DSCAML1: variants seen among roughly 807,000 people sequenced by gnomAD.
The protein encoded by DSCAML1 is cell adhesion molecule DSCAML1.
Under a neutral mutation model 200.5 loss-of-function variants are expected in DSCAML1, and 38 were observed. The observed-to-expected ratio is 0.19, with a 90% CI of 0.15 to 0.25. DSCAML1 has a LOEUF of 0.25. Among genes scored for constraint, DSCAML1 ranks in the 10% least tolerant of loss-of-function variants. The pLI, the probability that DSCAML1 is intolerant of heterozygous loss-of-function variation, is 1.00. For missense variants in DSCAML1, 2,223 were observed against 2,858.8 expected (o/e 0.78, Z 5.07); for synonymous variants, 1,215 against 1,165.0 (o/e 1.04, Z -0.87).
chr11:117,637,224 T>C (rs2052307935), intron 3 of DSCAML1, among the ~76,000 whole-genome samples: 1 of 152,154 alleles, frequency 6.6e-6, no homozygotes, highest in Admixed American at 6.5e-5. Context: ...TCTCAGAGCA[T>C]CCTAATTACC....
At chr11:117,436,534 GT>G (rs2047919863) in intron 26 of DSCAML1, among the ~76,000 whole-genome samples, 2 of 152,110 alleles carry the variant, frequency 1.3e-5, no homozygotes, top group Non-Finnish European at 2.9e-5. Flanking sequence ...GTGTGTATGT[GT>G]GTGTATGTGT....
At position 117,428,837 on chromosome 11, in the gene DSCAML1, G is replaced by C. The variant is rs775201669; in HGVS notation, c.5687-34C>G. On this transcript the variant is annotated intron_variant, in intron 32 of 32. Coordinates refer to ENST00000651296, the MANE Select transcript of DSCAML1 (RefSeq NM_020693.4). ...ACAGAGGCAGAGGATGTTACAGAGA[G>C]TCATAGCCCTCTGGAAGCAGCTCGT... The C allele has an allele frequency of 2.6e-6, 4 of 1,539,000 alleles. No individual in the cohort carries two copies. The Admixed American group carries it at 7.7e-5, about 30-fold the overall frequency.
At chr11:117,476,658 T>C (rs1181479154) in intron 14 of DSCAML1, among the ~76,000 whole-genome samples, 1 of 152,250 alleles carries the variant, frequency 6.6e-6, no homozygotes, top group East Asian at 1.9e-4. Flanking sequence ...CATTTTTAAA[T>C]CTGCACAGCG....
chr11:117,529,403 C>A (rs184961052), intron 4 of DSCAML1, among the ~76,000 whole-genome samples: 5 of 152,252 alleles, frequency 3.3e-5, no homozygotes, highest in Non-Finnish European at 5.9e-5. Flanking sequence ...TATTCTGTTT[C>A]ATTCTCATGG....
At chr11:117,464,723 G>A (rs1041140598) in intron 17 of DSCAML1, among the ~76,000 whole-genome samples, 5 of 152,186 alleles carry the variant, frequency 3.3e-5, no homozygotes, top group African/African-American at 1.2e-4. Context: ...GCACAGCATC[G>A]GTCAAAAGGA....
At chr11:117,690,181 A>T (rs1341990875) in intron 3 of DSCAML1, among the ~76,000 whole-genome samples, 2 of 152,272 alleles carry the variant, frequency 1.3e-5, no homozygotes, top group Non-Finnish European at 2.9e-5. Context: ...CAATTCATTA[A>T]TCCAACCATT....
chr11:117,468,112 C>T (rs1023609750), intron 16 of DSCAML1, among the ~76,000 whole-genome samples: 1 of 152,112 alleles, frequency 6.6e-6, no homozygotes, highest in Non-Finnish European at 1.5e-5. Context: ...CTCTGTCCCC[C>T]GCCTCTCCAA....
At chr11:117,776,725 C>T (rs2055134358) in intron 3 of DSCAML1, 66 bp downstream of exon 3, 5 of 1,588,608 alleles carry the variant, frequency 3.1e-6, no homozygotes, top group Admixed American at 3.4e-5. Flanking sequence ...GCTCAGGCAT[C>T]TCTACTTTAT....
chr11:117,667,409 T>A (rs2053001595), intron 3 of DSCAML1, among the ~76,000 whole-genome samples: 2 of 152,086 alleles, frequency 1.3e-5, no homozygotes. Context: ...CTCCGTCTCA[T>A]AAAAAGTAAA....
chr11:117,524,687 C>T, intron 5 of DSCAML1, 118 bp downstream of exon 5: 1 of 1,296,866 alleles, frequency 7.7e-7, no homozygotes, highest in Non-Finnish European at 1.0e-6. Flanking sequence ...CCCAGTCAGC[C>T]AGGGTTATTC....
At chr11:117,684,176 CTGTGCCCA>C (rs2053360764) in intron 3 of DSCAML1, among the ~76,000 whole-genome samples, 2 of 152,262 alleles carry the variant, frequency 1.3e-5, no homozygotes, top group Admixed American at 6.5e-5. Flanking sequence ...TCCCAAGTCC[CTGTGCCCA>C]TGTGCCAATC....
intron 3 of DSCAML1, among the ~76,000 whole-genome samples, chr11:117,750,730 A>G (rs1252495078): frequency 1.3e-5 from 2 of 152,226 alleles, no homozygotes; most frequent in Admixed American, 6.5e-5. Context: ...AGGTGCCACC[A>G]CTAACTGCTG....
At chr11:117,566,640 C>T (rs1303584054) in intron 3 of DSCAML1, among the ~76,000 whole-genome samples, 1 of 151,422 alleles carries the variant, frequency 6.6e-6, no homozygotes, top group Non-Finnish European at 1.5e-5. Context: ...AGGTTAGTTA[C>T]ATATGTATAC....
chr11:117,655,712 G>A lies in DSCAML1; in HGVS notation c.511+121079C>T, dbSNP rs75569971. Among the ~76,000 whole-genome samples the A allele has an allele frequency of 6.7e-3, 1,023 of 152,304 alleles. 20 individuals carry two copies. The East Asian group carries it at 0.076, about 11-fold the overall frequency. The stretch of plus-strand genomic sequence containing the variant: ...GAAGTTGGGGCCAGCTCCAAGCCAC[G>A]TTTATGTCAGGTGCCATGAGGATTT... On this transcript the variant is annotated intron_variant, in intron 3 of 32. Coordinates refer to ENST00000651296, the MANE Select transcript of DSCAML1 (RefSeq NM_020693.4).
chr11:117,546,790 A>T (rs916831543), intron 3 of DSCAML1, among the ~76,000 whole-genome samples: 1 of 152,058 alleles, frequency 6.6e-6, no homozygotes, highest in African/African-American at 2.4e-5. Context: ...ATACAGCTCT[A>T]TCTTTCTCTA....
At chr11:117,689,570 T>G (rs1049243713) in intron 3 of DSCAML1, among the ~76,000 whole-genome samples, 5 of 152,180 alleles carry the variant, frequency 3.3e-5, no homozygotes, top group African/African-American at 1.2e-4. Flanking sequence ...GCAGAGATCC[T>G]CAGCTTCTGG....
chr11:117,749,875 C>A (rs1306356427), intron 3 of DSCAML1, among the ~76,000 whole-genome samples: 1 of 152,244 alleles, frequency 6.6e-6, no homozygotes, highest in Non-Finnish European at 1.5e-5. Flanking sequence ...CCAGCCTGTG[C>A]AGACTTGAGC....
intron 4 of DSCAML1, among the ~76,000 whole-genome samples, chr11:117,525,356 A>C (rs2049959401): frequency 6.6e-6 from 1 of 152,170 alleles, no homozygotes; most frequent in African/African-American, 2.4e-5. Context: ...AGAGTGACAG[A>C]CAGAGAGACA....
At chr11:117,790,492 G>C (rs761446464) in intron 1 of DSCAML1, among the ~76,000 whole-genome samples, 9 of 152,194 alleles carry the variant, frequency 5.9e-5, no homozygotes, top group Admixed American at 1.3e-4. Flanking sequence ...CCACGGAGGG[G>C]GAGACAGCCA....
Sources: allele counts gnomAD v4.1 joint callset (sites outside exome capture counted in the v4.1 genomes callset), GRCh38; gene constraint gnomAD v4.1.1; transcripts MANE v1.5; gene names NCBI Gene and HGNC (gene_info 2026-07-23, HGNC 2026-07-21).